The following REPS2 variants were observed in gnomAD, a reference collection of about 807,000 sequenced individuals.
The protein encoded by REPS2 is RALBP1 associated Eps domain containing 2.
In REPS2, 23 loss-of-function variants were observed where a neutral mutation model predicts 53.6. The ratio of observed to expected loss-of-function variants is 0.43; its 90% CI spans 0.31 to 0.61. REPS2 has a LOEUF of 0.61. REPS2 is among the 20% of genes least tolerant of loss of function. REPS2 has a pLI of 0.11. For missense variants in REPS2, 446 were observed against 534.9 expected, an observed-to-expected ratio of 0.83 and a Z score of 1.64; for synonymous variants, 238 against 218.6, an observed-to-expected ratio of 1.09 and a Z score of -0.78.
chrX:17,163,674 A>G, the REPS2 span, among the ~76,000 whole-genome samples: 3 of 112,483 alleles, frequency 2.7e-5, no homozygotes, highest in East Asian at 2.8e-4. Context: ...GTGGGATGAC[A>G]TATTCAAAGT....
In REPS2 at chrX:17,019,084, G is replaced by T. The variant is rs141337590; in HGVS notation, c.398-3039G>T. Among the ~76,000 whole-genome samples, 885 of 111,837 alleles carry T rather than the reference G, an allele frequency of 7.9e-3. 13 individuals are homozygous for T. Among genetic ancestry groups the T allele is most frequent in the African/African-American group, 0.028 (857 of 30,763 alleles). ...GGCCTCCCAAAGTGCTGGGATTACAGGCATGAGCCACCACTCCCAGCCTAA... is the reference window on the plus strand; with the variant it reads ...GGCCTCCCAAAGTGCTGGGATTACATGCATGAGCCACCACTCCCAGCCTAA... On this transcript the variant is annotated intron_variant, in intron 2 of 17. Coordinates refer to ENST00000357277, the MANE Select transcript of REPS2 (RefSeq NM_004726.3).
At chrX:17,011,961 CAA>C (rs34737090) in intron 2 of REPS2, among the ~76,000 whole-genome samples, 316 of 67,644 alleles carry the variant, frequency 4.7e-3, no homozygotes, top group African/African-American at 0.013. Context: ...GACTATATCT[CAA>C]AAAAAAAAAA....
At position 17,006,246 on chromosome X, in the gene REPS2, G is replaced by A. The variant is rs1160514145; in HGVS notation, c.299G>A (p.Arg100Gln). 1 of 1,210,604 alleles carries A rather than the reference G, an allele frequency of 8.3e-7. No homozygotes were observed. Reference protein sequence around the residue: ...HQITELCGAKRVGYFGPTQFY... With the variant: ...HQITELCGAKQVGYFGPTQFY... ...ATCACAGAACTGTGTGGTGCAAAGCGGGTTGGTTATTTTGGTCCAACACAG... is the reference window on the plus strand; with the variant it reads ...ATCACAGAACTGTGTGGTGCAAAGCAGGTTGGTTATTTTGGTCCAACACAG... The change falls in exon 2 of 18, where the codon CGG becomes CAG. Residue 100 changes from arginine to glutamine, a missense_variant. Arg to Gln is a conservative substitution (Grantham distance 43). Transcript: ENST00000357277.
At chrX:17,027,049 C>T (rs867389991) in intron 4 of REPS2, among the ~76,000 whole-genome samples, 1 of 112,091 alleles carries the variant, frequency 8.9e-6, no homozygotes, top group Middle Eastern at 4.6e-3. Context: ...TCTCCTTGTC[C>T]TCCCAAAGTA....
chrX:16,952,702 C>T (rs772990874), intron 1 of REPS2, among the ~76,000 whole-genome samples: 4 of 112,320 alleles, frequency 3.6e-5, no homozygotes, highest in African/African-American at 9.7e-5. Flanking sequence ...TGTGAACTTT[C>T]GCTCATTGCT....
At chrX:16,957,961 T>C (rs887053510) in intron 1 of REPS2, among the ~76,000 whole-genome samples, 7 of 111,853 alleles carry the variant, frequency 6.3e-5, no homozygotes, top group South Asian at 7.5e-4. Flanking sequence ...CAAAATTTAG[T>C]TCTACATATA....
intron 13 of REPS2, among the ~76,000 whole-genome samples, chrX:17,084,871 C>A (rs1602967542): frequency 8.9e-6 from 1 of 112,024 alleles, no homozygotes; most frequent in East Asian, 2.8e-4. Flanking sequence ...TCCTTTGAAT[C>A]ATAAAAGATT....
chrX:17,035,704 A>G (rs927726880), intron 5 of REPS2, among the ~76,000 whole-genome samples: 6 of 111,256 alleles, frequency 5.4e-5, no homozygotes, highest in African/African-American at 2.0e-4. Flanking sequence ...AACTGTCCCT[A>G]CCATTTCCCC....
chrX:17,053,168 T>TAAAA (rs1310793814), intron 7 of REPS2, among the ~76,000 whole-genome samples: 1 of 111,827 alleles, frequency 8.9e-6, no homozygotes, highest in Non-Finnish European at 1.9e-5. Flanking sequence ...TAAAGCTTTT[T>TAAAA]GCATGAGGAT....
At chrX:17,117,948 C>CTTTTTT (rs145872769) in intron 14 of REPS2, among the ~76,000 whole-genome samples, 1 of 31,007 alleles carries the variant, frequency 3.2e-5, no homozygotes, top group Non-Finnish European at 5.2e-5. Flanking sequence ...TGTTTCCTGA[C>CTTTTTT]TTTTTTTTTT....
intron 14 of REPS2, among the ~76,000 whole-genome samples, chrX:17,122,351 T>A (rs1448913104): frequency 2.7e-5 from 3 of 112,507 alleles, no homozygotes; most frequent in African/African-American, 9.7e-5. Flanking sequence ...GATGTTTGTG[T>A]GATTTATTCA....
intron 15 of REPS2, 97 bp from the exon 16 acceptor site, chrX:17,135,164 G>A (rs2063349235): frequency 1.0e-5 from 9 of 900,645 alleles, no homozygotes; most frequent in Middle Eastern, 3.0e-4. Flanking sequence ...CCTGATCTTG[G>A]GGTTGGGGCT....
the REPS2 span, among the ~76,000 whole-genome samples, chrX:17,161,049 A>G: frequency 2.7e-5 from 3 of 111,765 alleles, no homozygotes; most frequent in Non-Finnish European, 5.6e-5. Flanking sequence ...GAACTTTTGA[A>G]CTAGTGAGAT....
chrX:17,006,591 T>C (rs777690533), intron 2 of REPS2, among the ~76,000 whole-genome samples: 1 of 111,982 alleles, frequency 8.9e-6, no homozygotes, highest in African/African-American at 3.2e-5. Context: ...TTTTATTCTT[T>C]AGCAGGAAGA....
the REPS2 span, among the ~76,000 whole-genome samples, chrX:17,189,648 CCTCTCT>C: frequency 1.9e-5 from 2 of 105,444 alleles, no homozygotes; most frequent in African/African-American, 3.5e-5. Flanking sequence ...TCCTCTCTCT[CCTCTCT>C]CTCTCTCTCT....
At chrX:17,189,337 G>A in the REPS2 span, among the ~76,000 whole-genome samples, 1 of 106,664 alleles carries the variant, frequency 9.4e-6, no homozygotes, top group Admixed American at 1.0e-4. Flanking sequence ...CCAGGCTGGA[G>A]TGCAGTGGCG....
At chrX:17,014,264 A>T (rs1410708344) in intron 2 of REPS2, among the ~76,000 whole-genome samples, 1 of 111,113 alleles carries the variant, frequency 9.0e-6, no homozygotes, top group East Asian at 2.8e-4. Flanking sequence ...AATAAAAGGG[A>T]TGCTGCTTGC....
intron 13 of REPS2, among the ~76,000 whole-genome samples, chrX:17,101,206 A>T (rs2062793753): frequency 9.2e-6 from 1 of 108,543 alleles, no homozygotes; most frequent in African/African-American, 3.4e-5. Context: ...GGCGCCCGCC[A>T]CCATGCCTGG....
intron 6 of REPS2, among the ~76,000 whole-genome samples, chrX:17,050,194 C>CTTTCTTTCTTTCTTTTCT (rs1223989029): frequency 7.7e-5 from 4 of 51,770 alleles, no homozygotes; most frequent in African/African-American, 9.5e-5. Context: ...TTCTTTCTTT[C>CTTTCTTTCTTTCTTTTCT]TTTTTTTTTT....
Sources: allele counts gnomAD v4.1 joint callset (sites outside exome capture counted in the v4.1 genomes callset), GRCh38; gene constraint gnomAD v4.1.1; transcripts MANE v1.5; gene names NCBI Gene and HGNC (gene_info 2026-07-23, HGNC 2026-07-21).